C16orf87: variants seen among roughly 807,000 people sequenced by gnomAD.
C16orf87 encodes the protein HDAC and MIER1 interacting protein 1.
In C16orf87, 13 loss-of-function variants were observed where a neutral mutation model predicts 21.0. The ratio of observed to expected loss-of-function variants is 0.62; its 90% confidence interval spans 0.40 to 0.98. The LOEUF is 0.98. Among genes scored for constraint, C16orf87 ranks in the 50% least tolerant of loss-of-function variants. C16orf87 has a pLI of 0.00. For synonymous variants in C16orf87, 49 were observed against 60.2 expected, an observed-to-expected ratio of 0.81 and a Z score of 0.86; for missense variants, 113 against 180.4, an observed-to-expected ratio of 0.63 and a Z score of 2.14.
rs925925307 is a variant in C16orf87, at chr16:46,800,069, T to G, written c.*2883A>C. On this transcript the variant is annotated 3_prime_UTR_variant, in exon 4 of 4. Coordinates refer to ENST00000285697, the MANE Select transcript of C16orf87 (RefSeq NM_001001436.4). Reference sequence around the variant, plus strand: ...TAATGATCAGAATTAGAGAATCAAGTGCAATTACTAGAGTTAAAGAAGTCA... The same window carrying G: ...TAATGATCAGAATTAGAGAATCAAGGGCAATTACTAGAGTTAAAGAAGTCA... The G allele has an allele frequency of 6.6e-6, 1 of 152,180 alleles. No individual in the cohort carries two copies. The allele number at this position is 152,180 out of a possible 1,614,324, so 9.4% of individuals were successfully genotyped here. A position where few individuals can be genotyped will look rare whatever the true frequency, so the allele number is the denominator to read the frequency against.
chr16:46,809,100 C>G (rs1019192196), intron 3 of C16orf87, among the ~76,000 whole-genome samples: 1 of 148,408 alleles, frequency 6.7e-6, no homozygotes, highest in African/African-American at 2.5e-5. Flanking sequence ...AAGTTCAAGA[C>G]TAGCCTGGGC....
intron 2 of C16orf87, among the ~76,000 whole-genome samples, chr16:46,820,526 T>C (rs1959376930): frequency 6.6e-6 from 1 of 152,250 alleles, no homozygotes; most frequent in African/African-American, 2.4e-5. Context: ...ACATAAAATC[T>C]GTATCATTCT....
intron 2 of C16orf87, among the ~76,000 whole-genome samples, chr16:46,819,502 A>G (rs62057622): frequency 0.99 from 149,066 of 151,320 alleles, 73,455 homozygotes; most frequent in East Asian, 1. Flanking sequence ...CAGAGACGGG[A>G]TTTCACCATG....
Position 46,803,051 on chromosome 16 carries a change from A to G in C16orf87, c.366T>C (p.Ile122=), listed in dbSNP as rs772848645. The G allele has an allele frequency of 3.8e-6, 6 of 1,580,068 alleles. 1 individual carries two copies. In the South Asian group the frequency reaches 6.8e-5, roughly 18 times the overall value. ...CATCAGACAGGTTAGCATAGATGTC[A>G]ATTTCCTTTTCCTGTTTCTCTGTTA... ...EEEREKQEKE[I]DIYANLSDEK... is the part of the protein sequence containing the mutation. Residue 122 remains isoleucine, a synonymous_variant, in exon 4 of 4, where the codon ATT becomes ATC. Transcript: ENST00000285697.
rs1280521614 is a variant in C16orf87 at position 46,797,128 on chromosome 16, G to A, written c.*5824C>T. 1 of 152,014 alleles carries A rather than the reference G, an allele frequency of 6.6e-6. No homozygotes were observed. The highest frequency in any genetic ancestry group is 2.4e-5 in the African/African-American group (1 of 41,386). 9.4% of individuals were successfully genotyped at this position (152,014 alleles called of 1,614,324 possible). On this transcript the variant is annotated 3_prime_UTR_variant, in exon 4 of 4. Coordinates refer to ENST00000285697, the MANE Select transcript of C16orf87 (RefSeq NM_001001436.4). Reference sequence around the variant, plus strand: ...CAAAATAAAGACATTCTCAGATGAAGAAAAAATAAGAGAATTAAATGTCAA... The same window carrying A: ...CAAAATAAAGACATTCTCAGATGAAAAAAAAATAAGAGAATTAAATGTCAA...
In C16orf87 at chr16:46,796,733, T is replaced by C. The variant is rs1427961884; in HGVS notation, c.*6219A>G. On this transcript the variant is annotated 3_prime_UTR_variant, in exon 4 of 4. Coordinates refer to ENST00000285697, the MANE Select transcript of C16orf87 (RefSeq NM_001001436.4). ...TAAAATAAAATAAATGAACAGAGGT[T>C]CTGAGATCTGTGAGATAATACCAAA... 6.6e-6 allele frequency: 1 copy of C among 152,228 alleles called. No individual in the cohort carries two copies. The highest frequency in any genetic ancestry group is 1.5e-5 in the Non-Finnish European group (1 of 68,052). The allele number at this position is 152,228 out of a possible 1,614,324, so 9.4% of individuals were successfully genotyped here.
At chr16:46,829,636 C>T (rs953274075) in intron 1 of C16orf87, among the ~76,000 whole-genome samples, 5 of 152,040 alleles carry the variant, frequency 3.3e-5, no homozygotes, top group Non-Finnish European at 7.4e-5. Flanking sequence ...ATTGCAAAGT[C>T]CAGTTTTGTC....
At chr16:46,825,933 A>T (rs1376240014) in intron 1 of C16orf87, among the ~76,000 whole-genome samples, 2 of 151,636 alleles carry the variant, frequency 1.3e-5, no homozygotes, top group Non-Finnish European at 2.9e-5. Context: ...AAAAAAAAAA[A>T]ATTATTATTA....
intron 2 of C16orf87, among the ~76,000 whole-genome samples, chr16:46,812,641 A>G (rs1272321599): frequency 6.6e-6 from 1 of 152,216 alleles, no homozygotes; most frequent in African/African-American, 2.4e-5. Context: ...TATGCCTATT[A>G]AAGTCTAACA....
At chr16:46,826,361 A>G (rs1309472676) in intron 1 of C16orf87, among the ~76,000 whole-genome samples, 3 of 152,228 alleles carry the variant, frequency 2.0e-5, no homozygotes, top group African/African-American at 7.2e-5. Context: ...GAAAACTGCA[A>G]TTCCCTTTGT....
Position 46,830,969 on chromosome 16 carries a change from G to A in C16orf87, c.66+115C>T, listed in dbSNP as rs1959836128. ...GCCCCGGATCCCCGCCGCCGCCGGC[G>A]GGCCCCAGGATCTGCCCACCGCTCG... On this transcript the variant is annotated intron_variant, in intron 1 of 3. Coordinates refer to ENST00000285697, the MANE Select transcript of C16orf87 (RefSeq NM_001001436.4). 8 of 639,840 alleles carry A rather than the reference G, an allele frequency of 1.3e-5. No individual in the cohort carries two copies. The East Asian group carries it at 3.0e-4, about 24-fold the overall frequency. 39.6% of individuals were successfully genotyped at this position (639,840 alleles called of 1,614,324 possible).
chr16:46,820,981 C>A (rs1959392047), intron 2 of C16orf87, among the ~76,000 whole-genome samples: 1 of 152,164 alleles, frequency 6.6e-6, no homozygotes, highest in Non-Finnish European at 1.5e-5. Flanking sequence ...ATTTTCATTT[C>A]TTCTATTAAT....
At position 46,799,946 on chromosome 16, in the gene C16orf87, A is replaced by T. The variant is rs780220869; in HGVS notation, c.*3006T>A. Reference sequence around the variant, plus strand: ...AAGCCACCATGCCTGGCCAATTAATACTTTATATAAAAGTAAGTAAAGAGC... The same window carrying T: ...AAGCCACCATGCCTGGCCAATTAATTCTTTATATAAAAGTAAGTAAAGAGC... On this transcript the variant is annotated 3_prime_UTR_variant, in exon 4 of 4. Transcript: ENST00000285697. The T allele has an allele frequency of 1.3e-5, 2 of 152,228 alleles. No homozygotes were observed. The highest frequency in any genetic ancestry group is 3.8e-4 in the East Asian group (2 of 5,200). 9.4% of individuals were successfully genotyped at this position (152,228 alleles called of 1,614,324 possible).
chr16:46,818,484 T>C (rs1414053933), intron 2 of C16orf87, among the ~76,000 whole-genome samples: 3 of 152,154 alleles, frequency 2.0e-5, no homozygotes, highest in Non-Finnish European at 4.4e-5. Flanking sequence ...TATTTGACTA[T>C]GCTTACTCTA....
chr16:46,821,760 G>A (rs1483402050), intron 2 of C16orf87, among the ~76,000 whole-genome samples: 2 of 151,888 alleles, frequency 1.3e-5, no homozygotes, highest in South Asian at 2.1e-4. Context: ...TCTGCACCGC[G>A]AGCTCATCCA....
chr16:46,831,180 C>G lies in C16orf87; in HGVS notation c.-31G>C. 1.3e-6 allele frequency: 2 copies of G among 1,540,290 alleles called. No homozygotes were observed. Among genetic ancestry groups the G allele is most frequent in the Admixed American group, 3.6e-5 (2 of 55,124 alleles). On this transcript the variant is annotated 5_prime_UTR_variant, in exon 1 of 4. Transcript: ENST00000285697. ...TCTCCCTTAGCGGCGGCAGCAGCGACGGCTCGGGCTCCTCCCCTCACACTT... is the reference window on the plus strand; with the variant it reads ...TCTCCCTTAGCGGCGGCAGCAGCGAGGGCTCGGGCTCCTCCCCTCACACTT...
intron 1 of C16orf87, among the ~76,000 whole-genome samples, chr16:46,829,944 C>T (rs1358576079): frequency 8.7e-6 from 1 of 114,580 alleles, no homozygotes; most frequent in East Asian, 2.4e-4. Flanking sequence ...AAAAAAAAGG[C>T]GGTGGGGGGA....
At chr16:46,821,973 G>A (rs1457921744) in intron 2 of C16orf87, among the ~76,000 whole-genome samples, 1 of 152,078 alleles carries the variant, frequency 6.6e-6, no homozygotes. Flanking sequence ...TCAGAGATCT[G>A]GGAATCTTCT....
In C16orf87 at chr16:46,809,700, G is replaced by A. The variant is rs1198531358; in HGVS notation, c.249C>T (p.Asn83=). The part of the protein sequence containing the change: ...INSTVNKDLE[N]RKRSRSNSHS... ...GGCTGTTACTTCGAGACCTCTTTCT[G>A]TTTTCTAAATCTTTATTTACTGTAG... is the stretch of plus-strand genomic sequence containing the variant. The change falls in exon 3 of 4, where the codon AAC becomes AAT. Residue 83 remains asparagine (N), a synonymous_variant. Coordinates refer to ENST00000285697, the MANE Select transcript of C16orf87 (RefSeq NM_001001436.4). The A allele has an allele frequency of 3.1e-6, 5 of 1,608,456 alleles. No individual in the cohort carries two copies. In the East Asian group the frequency reaches 8.9e-5, roughly 29 times the overall value.
Sources: gnomAD v4.1 joint callset for allele counts (sites outside exome capture counted in the v4.1 genomes callset) on GRCh38, gnomAD v4.1.1 for gene constraint, MANE v1.5 for transcripts, NCBI Gene and HGNC (gene_info 2026-07-23, HGNC 2026-07-21) for gene names.